The following ZFYVE28 variants were observed in gnomAD, a reference collection of about 807,000 sequenced individuals.
ZFYVE28 encodes the protein lateral signaling target protein 2 homolog.
In ZFYVE28, 40 loss-of-function variants were observed where a neutral mutation model predicts 82.1. That is an observed-to-expected ratio of 0.49 (90% CI 0.38 to 0.63). The LOEUF (loss-of-function observed/expected upper bound fraction) is 0.63. ZFYVE28 is among the 30% of genes least tolerant of loss of function. The pLI is 0.00. For missense variants in ZFYVE28, 1,321 were observed against 1,242.1 expected, an observed-to-expected ratio of 1.06 and a Z score of -0.96; for synonymous variants, 612 against 546.1, an observed-to-expected ratio of 1.12 and a Z score of -1.68.
At position 2,320,092 on chromosome 4, in the gene ZFYVE28, G is replaced by A; in HGVS notation, c.803+78C>T. On this transcript the variant is annotated intron_variant, in intron 7 of 12. Coordinates refer to ENST00000290974, the MANE Select transcript of ZFYVE28 (RefSeq NM_020972.3). The surrounding 1 kb of genome is among the most constrained non-coding windows in gnomAD (Gnocchi z 5.1). ...AGAGGAGGAGGACCTGGAGGCGGCGGCTAAACATGACTTCAGCGCCCACCT... is the reference window on the plus strand; with the variant it reads ...AGAGGAGGAGGACCTGGAGGCGGCGACTAAACATGACTTCAGCGCCCACCT... The A allele has an allele frequency of 2.1e-6, 3 of 1,396,588 alleles. No homozygotes were observed. The highest frequency in any genetic ancestry group is 3.0e-6 in the Non-Finnish European group (3 of 993,520). The allele number at this position is 1,396,588 out of a possible 1,614,324, so 86.5% of individuals were successfully genotyped here. A position where few individuals can be genotyped will look rare whatever the true frequency, so the allele number is the denominator to read the frequency against.
Position 2,277,255 on chromosome 4 carries a change from G to A in ZFYVE28, c.2052-3039C>T, listed in dbSNP as rs376383214. 1.6e-4 allele frequency among the ~76,000 whole-genome samples: 25 copies of A among 152,294 alleles called. No homozygotes were observed. The East Asian group carries it at 1.7e-3, about 11-fold the overall frequency. On this transcript the variant is annotated intron_variant, in intron 8 of 12. Coordinates refer to ENST00000290974, the MANE Select transcript of ZFYVE28 (RefSeq NM_020972.3). ...AGCACTTTGGGAGGCCGAGGCAGGC[G>A]GACTGCCTGAGTTCAGGAGTTCGAG...
Position 2,305,412 on chromosome 4 carries a change from G to T in ZFYVE28, c.928C>A (p.Leu310Ile). The T allele has an allele frequency of 6.2e-7, 1 of 1,612,830 alleles. No homozygotes were observed. Among genetic ancestry groups the T allele is most frequent in the African/African-American group, 1.3e-5 (1 of 75,078 alleles). The change falls in exon 8 of 13, where the codon CTC becomes ATC. Residue 310 changes from leucine to isoleucine, a missense_variant. Leu to Ile is a conservative substitution (Grantham distance 5). Coordinates refer to ENST00000290974, the MANE Select transcript of ZFYVE28 (RefSeq NM_020972.3). ...CCCTCAGGGGGGAGAGGGGCAGAGAGGGCAGGCGCCAGGGCAGCGGGTCCC... is the reference window on the plus strand; with the variant it reads ...CCCTCAGGGGGGAGAGGGGCAGAGATGGCAGGCGCCAGGGCAGCGGGTCCC... ...VQGPAALAPALSAPLPPEGPL... is the reference protein window; with the variant it reads ...VQGPAALAPAISAPLPPEGPL...
At chr4:2,299,601 TGTG>T (rs1715174203) in intron 8 of ZFYVE28, among the ~76,000 whole-genome samples, 1 of 1,594 alleles carries the variant, frequency 6.3e-4, no homozygotes, top group African/African-American at 3.1e-3. Context: ...AGGGAGACCC[TGTG>T]GTTAAAAAGA....
chr4:2,294,383 G>A (rs1370472378), intron 8 of ZFYVE28, among the ~76,000 whole-genome samples: 1 of 152,140 alleles, frequency 6.6e-6, no homozygotes, highest in Non-Finnish European at 1.5e-5. Context: ...TGGAATAATT[G>A]ACTTTCCTTA....
chr4:2,289,670 C>G (rs530664145), intron 8 of ZFYVE28, among the ~76,000 whole-genome samples: 2 of 152,348 alleles, frequency 1.3e-5, no homozygotes, highest in African/African-American at 4.8e-5. Flanking sequence ...GCCACAGCAC[C>G]TGGCCTCACC....
chr4:2,417,049 C>T lies in ZFYVE28; in HGVS notation c.39+1236G>A, dbSNP rs553491274. ...TCAGGAAACCTCTGCCGTGACAGCT[C>T]ACCCACGGTGGAGGCGGAGGCCTGG... On this transcript the variant is annotated intron_variant, in intron 1 of 12. Transcript: ENST00000290974. This position sits in a 1 kb window ranked among gnomAD's most constrained non-coding sequence, Gnocchi z 4.8. Among the ~76,000 whole-genome samples the T allele has an allele frequency of 1.9e-4, 29 of 152,360 alleles. No homozygotes were observed. Among genetic ancestry groups the T allele is most frequent in the Non-Finnish European group, 3.7e-4 (25 of 68,038 alleles).
At chr4:2,299,859 C>T (rs1305584699) in intron 8 of ZFYVE28, among the ~76,000 whole-genome samples, 1 of 151,918 alleles carries the variant, frequency 6.6e-6, no homozygotes, top group Non-Finnish European at 1.5e-5. Flanking sequence ...TACAGTGGTA[C>T]AGTCATAGGT....
chr4:2,404,186 G>A (rs1259111436), intron 1 of ZFYVE28, among the ~76,000 whole-genome samples: 1 of 151,898 alleles, frequency 6.6e-6, no homozygotes, highest in Non-Finnish European at 1.5e-5. Context: ...TCCAGGCATG[G>A]TGGTGGGTGC....
chr4:2,330,829 G>C (rs1720562292), intron 6 of ZFYVE28: 1 of 1,534,640 alleles, frequency 6.5e-7, no homozygotes, highest in African/African-American at 1.4e-5. Context: ...GAGACCCAGG[G>C]CAGCGGGTGC....
rs369554815 is a variant in ZFYVE28 at position 2,351,629 on chromosome 4, G to A, written c.180+2304C>T. On this transcript the variant is annotated intron_variant, in intron 2 of 12. Transcript: ENST00000290974. ...CTCAGGAGGCTAAGGCAGGAGAATC[G>A]CTTGAACCTGGGAGGTGGAGGTTGC... 5.3e-5 allele frequency among the ~76,000 whole-genome samples: 8 copies of A among 152,150 alleles called. No individual in the cohort carries two copies. In the South Asian group the frequency reaches 6.2e-4, roughly 12 times the overall value.
intron 9 of ZFYVE28, 110 bp downstream of exon 9, chr4:2,273,952 C>T: frequency 7.8e-7 from 1 of 1,284,788 alleles, no homozygotes; most frequent in Non-Finnish European, 1.1e-6. Context: ...GAGTGGGCTG[C>T]TGTTTACAGG....
At chr4:2,283,829 C>G (rs1712332173) in intron 8 of ZFYVE28, among the ~76,000 whole-genome samples, 1 of 152,166 alleles carries the variant, frequency 6.6e-6, no homozygotes, top group Non-Finnish European at 1.5e-5. Flanking sequence ...GGGAGGGTTC[C>G]TGGAAGGCGC....
At chr4:2,389,240 G>A (rs1435795563) in intron 1 of ZFYVE28, among the ~76,000 whole-genome samples, 1 of 152,234 alleles carries the variant, frequency 6.6e-6, no homozygotes, top group African/African-American at 2.4e-5. Context: ...ACACAGCCAG[G>A]AGGTGTTCCG....
chr4:2,374,659 G>A (rs988027738), intron 1 of ZFYVE28, among the ~76,000 whole-genome samples: 3 of 150,808 alleles, frequency 2.0e-5, no homozygotes, highest in East Asian at 3.9e-4. Flanking sequence ...AGGAGGAGGG[G>A]GAAAATTGGT....
intron 1 of ZFYVE28, among the ~76,000 whole-genome samples, chr4:2,391,567 ACCACCATCC>A (rs1270043560): frequency 6.9e-6 from 1 of 145,448 alleles, no homozygotes; most frequent in Admixed American, 7.2e-5. Context: ...ACACTGTTGT[ACCACCATCC>A]CCACCATCCC....
At position 2,305,175 on chromosome 4, in the gene ZFYVE28, G is replaced by A. The variant is rs146433050; in HGVS notation, c.1165C>T (p.Arg389Cys). 1.6e-4 allele frequency: 254 copies of A among 1,595,008 alleles called. No homozygotes were observed. In the African/African-American group the frequency reaches 2.1e-3, roughly 13 times the overall value. ...PGGEASPGRPRLRSGSDEEER... is the reference protein window; with the variant it reads ...PGGEASPGRPCLRSGSDEEER... The stretch of plus-strand genomic sequence containing the variant: ...TCCTCGTCACTGCCTGACCGCAGGC[G>A]CGGTCTACCTGGAGAGGCCTCCCCG... Residue 389 changes from arginine to cysteine, a missense_variant, in exon 8 of 13, where the codon CGC becomes TGC. Coordinates refer to ENST00000290974, the MANE Select transcript of ZFYVE28 (RefSeq NM_020972.3).
At chr4:2,357,685 A>G (rs961692086) in intron 1 of ZFYVE28, among the ~76,000 whole-genome samples, 10 of 152,178 alleles carry the variant, frequency 6.6e-5, no homozygotes, top group African/African-American at 2.4e-4. Flanking sequence ...TGTGTCCCGC[A>G]GCCCTGACTG....
chr4:2,294,130 A>G (rs1377616159), intron 8 of ZFYVE28, among the ~76,000 whole-genome samples: 1 of 152,090 alleles, frequency 6.6e-6, no homozygotes, highest in East Asian at 1.9e-4. Context: ...GGAAACAGAA[A>G]GGAGACAGAA....
chr4:2,273,245 T>C lies in ZFYVE28; in HGVS notation c.2251A>G (p.Ser751Gly), dbSNP rs753876117. ...ACCTCAAACAGTGTTTTAAGAATAC[T>C]TCTCAGGTCACTGGCATAGTTCGTC... is the stretch of plus-strand genomic sequence containing the variant. ...LQTNYASDLRSILKTLFEVMA... is the reference protein window; with the variant it reads ...LQTNYASDLRGILKTLFEVMA... Residue 751 changes from serine to glycine, a missense_variant, in exon 10 of 13, where the codon AGT becomes GGT. Ser to Gly is a moderately conservative substitution (Grantham distance 56). This residue lies in a region of ZFYVE28 where 978 missense variants were observed against 833.7 expected (regional missense o/e 1.17). Coordinates refer to ENST00000290974, the MANE Select transcript of ZFYVE28 (RefSeq NM_020972.3). 6.2e-7 allele frequency: 1 copy of C among 1,613,698 alleles called. No individual in the cohort carries two copies. The highest frequency in any genetic ancestry group is 8.5e-7 in the Non-Finnish European group (1 of 1,179,888).
Sources: allele counts gnomAD v4.1 joint callset (sites outside exome capture counted in the v4.1 genomes callset), GRCh38; gene constraint gnomAD v4.1.1; regional missense constraint gnomAD v4.1.1; non-coding constraint Gnocchi (gnomAD v3.1); transcripts MANE v1.5; gene names NCBI Gene and HGNC (gene_info 2026-07-23, HGNC 2026-07-21).